The following TOGARAM1 variants were observed in gnomAD, a reference collection of about 807,000 sequenced individuals.
TOGARAM1 encodes TOG array regulator of axonemal microtubules 1, also known as TOG array regulator of axonemal microtubules protein 1.
TOGARAM1 carries 100 observed loss-of-function variants against 166.6 expected under a neutral mutation model. That is an observed-to-expected ratio of 0.60 (90% CI 0.51 to 0.71). TOGARAM1 has a LOEUF of 0.71. Among genes scored for constraint, TOGARAM1 ranks in the 30% least tolerant of loss-of-function variants. TOGARAM1 has a pLI of 0.00. For synonymous variants in TOGARAM1, 758 were observed against 763.8 expected, an observed-to-expected ratio of 0.99 and a Z score of 0.13; for missense variants, 2,029 against 2,102.7, an observed-to-expected ratio of 0.96 and a Z score of 0.69.
intron 6 of TOGARAM1, among the ~76,000 whole-genome samples, chr14:45,011,686 G>A (rs1206674756): frequency 1.3e-5 from 2 of 151,722 alleles, no homozygotes; most frequent in Non-Finnish European, 2.9e-5. Flanking sequence ...ATAAGTCAGA[G>A]TCATTTTCTG....
chr14:44,963,512 A>C lies in TOGARAM1; in HGVS notation c.1091A>C (p.Asp364Ala), dbSNP rs770738996. The part of the protein sequence containing the change: ...ELHSRLLDQE[D>A]YKNRTQAVEE... ...CATTCACGATTATTGGATCAGGAAG[A>C]CTATAAGAACCGGACCCAGGCCGTC... Residue 364 changes from aspartate to alanine, a missense_variant, in exon 1 of 20, where the codon GAC becomes GCC. Asp to Ala is a moderately radical substitution (Grantham distance 126, BLOSUM62 -2). Coordinates refer to ENST00000361462, the MANE Select transcript of TOGARAM1 (RefSeq NM_001308120.2). 5.0e-6 allele frequency: 8 copies of C among 1,614,222 alleles called. No homozygotes were observed. The highest frequency in any genetic ancestry group is 1.1e-5 in the South Asian group (1 of 91,084).
At chr14:44,986,975 A>C (rs1190115318) in intron 1 of TOGARAM1, among the ~76,000 whole-genome samples, 1 of 150,318 alleles carries the variant, frequency 6.7e-6, no homozygotes, top group Non-Finnish European at 1.5e-5. Context: ...ACTGCACTCC[A>C]GCCTGGGCGA....
chr14:44,968,844 T>C (rs765415315), intron 1 of TOGARAM1, among the ~76,000 whole-genome samples: 23 of 152,208 alleles, frequency 1.5e-4, no homozygotes, highest in Non-Finnish European at 2.8e-4. Context: ...ATGTCTTGTA[T>C]CCACCATTAT....
In TOGARAM1 at chr14:45,008,924, T is replaced by C. The variant is rs193074205; in HGVS notation, c.2916T>C (p.Ser972=). ...KDLDQEEMHS[S]LRSLRNSAAK... is the part of the protein sequence containing the mutation. ...TCATTTTTTCTTAGATGCATAGCTCTCTTAGGTCCCTTCGTAATAGTGCAG... is the reference window on the plus strand; with the variant it reads ...TCATTTTTTCTTAGATGCATAGCTCCCTTAGGTCCCTTCGTAATAGTGCAG... Residue 972 remains serine, a synonymous_variant, in exon 6 of 20, where the codon TCT becomes TCC. Coordinates refer to ENST00000361462, the MANE Select transcript of TOGARAM1 (RefSeq NM_001308120.2). 3.6e-5 allele frequency: 58 copies of C among 1,613,226 alleles called. No homozygotes were observed. The African/African-American group carries it at 5.6e-4, about 16-fold the overall frequency.
intron 10 of TOGARAM1, among the ~76,000 whole-genome samples, chr14:45,030,824 T>G (rs1387580592): frequency 1.3e-5 from 2 of 152,190 alleles, no homozygotes; most frequent in Non-Finnish European, 2.9e-5. Context: ...TAGATCTAAG[T>G]CCTGCCTCTC....
At chr14:45,009,796 A>G (rs1233373539) in intron 6 of TOGARAM1, among the ~76,000 whole-genome samples, 1 of 152,168 alleles carries the variant, frequency 6.6e-6, no homozygotes, top group Non-Finnish European at 1.5e-5. Flanking sequence ...AGTGATCTCA[A>G]ACTGCTTTCT....
chr14:45,066,435 C>CTGT, intron 16 of TOGARAM1, 143 bp from the exon 17 acceptor site: 3 of 599,314 alleles, frequency 5.0e-6, no homozygotes, highest in Non-Finnish European at 8.3e-6. Context: ...AGGAGAGATA[C>CTGT]TGTGGCTATG....
At chr14:44,974,508 T>C (rs2138735585) in intron 1 of TOGARAM1, among the ~76,000 whole-genome samples, 1 of 152,316 alleles carries the variant, frequency 6.6e-6, no homozygotes, top group East Asian at 1.9e-4. Flanking sequence ...CTAGTTATGA[T>C]GCTTGTTCTG....
chr14:45,006,051 C>G lies in TOGARAM1; in HGVS notation c.2688C>G (p.Ala896=), dbSNP rs775624427. 5.6e-6 allele frequency: 9 copies of G among 1,612,552 alleles called. No homozygotes were observed. Among genetic ancestry groups the G allele is most frequent in the Admixed American group, 1.7e-5 (1 of 59,902 alleles). Reference sequence around the variant, plus strand: ...AACCTCCAGTTCAGCTTACACCTGCCTTGGTGAGATCGCCATCTTCCCGAC... The same window carrying G: ...AACCTCCAGTTCAGCTTACACCTGCGTTGGTGAGATCGCCATCTTCCCGAC... ...QEKPPVQLTP[A]LVRSPSSRRG... is the part of the protein sequence containing the mutation. The change falls in exon 5 of 20, where the codon GCC becomes GCG. Residue 896 remains alanine (A), a synonymous_variant. Coordinates refer to ENST00000361462, the MANE Select transcript of TOGARAM1 (RefSeq NM_001308120.2).
chr14:45,052,129 T>C (rs1277727396), intron 14 of TOGARAM1, among the ~76,000 whole-genome samples: 1 of 152,200 alleles, frequency 6.6e-6, no homozygotes, highest in East Asian at 1.9e-4. Context: ...AAGAGTGTCA[T>C]ACTGCATATG....
intron 4 of TOGARAM1, 117 bp from the exon 5 acceptor site, chr14:45,005,891 A>T (rs1409392612): frequency 1.3e-6 from 1 of 768,022 alleles, no homozygotes; most frequent in Non-Finnish European, 1.9e-6. Flanking sequence ...CTCCCCAGTG[A>T]CCAGCTATAA....
intron 11 of TOGARAM1, among the ~76,000 whole-genome samples, chr14:45,035,683 A>G (rs1881388979): frequency 6.6e-6 from 1 of 152,198 alleles, no homozygotes; most frequent in African/African-American, 2.4e-5. Context: ...AAGACATTAC[A>G]TATAGAACAA....
In TOGARAM1 at chr14:45,054,481, T is replaced by G. The variant is rs1489930699; in HGVS notation, c.4491T>G (p.Ser1497=). 4 of 1,613,534 alleles carry G rather than the reference T, an allele frequency of 2.5e-6. No homozygotes were observed. Among genetic ancestry groups the G allele is most frequent in the Non-Finnish European group, 3.4e-6 (4 of 1,179,784 alleles). The change falls in exon 16 of 20, where the codon TCT becomes TCG. Residue 1497 remains serine (S), a synonymous_variant. Transcript: ENST00000361462. ...LDTPSAKGRR[S]HTGSVGNTRS... The stretch of plus-strand genomic sequence containing the variant: ...CTCCTTCAGCAAAAGGAAGACGATC[T>G]CATACTGGCAGTGTTGGAAATACAA...
chr14:45,016,825 A>G (rs1012142826), intron 7 of TOGARAM1, among the ~76,000 whole-genome samples: 1 of 152,266 alleles, frequency 6.6e-6, no homozygotes, highest in Non-Finnish European at 1.5e-5. Context: ...TTCAAAAAGT[A>G]CTATAATGTT....
At chr14:45,045,565 ATATATATATATATATATATGTGTG>A (rs1174366222) in intron 13 of TOGARAM1, among the ~76,000 whole-genome samples, 8 of 41,262 alleles carry the variant, frequency 1.9e-4, no homozygotes, top group South Asian at 9.3e-4. Context: ...ATATATATAT[ATATATATATATATATATATGTGTG>A]TGTGTGTGTG....
In TOGARAM1 at chr14:45,009,055, C is replaced by T. The variant is rs1879634852; in HGVS notation, c.3047C>T (p.Pro1016Leu). 6.2e-7 allele frequency: 1 copy of T among 1,614,078 alleles called. No homozygotes were observed. Among genetic ancestry groups the T allele is most frequent in the Non-Finnish European group, 8.5e-7 (1 of 1,179,984 alleles). Residue 1016 changes from proline to leucine, a missense_variant, in exon 6 of 20, where the codon CCA becomes CTA. Physicochemically the swap from Pro to Leu is moderately conservative, Grantham distance 98. Transcript: ENST00000361462. ...TMDSPSLSSS[P>L]NINSYSESGV... ...GACTCCCCGTCTCTGTCTTCCTCAC[C>T]AAACATCAATTCTTACAGTGAAAGT...
At chr14:45,032,135 G>C (rs1594674417) in intron 10 of TOGARAM1, 88 bp from the exon 11 acceptor site, 2 of 1,194,598 alleles carry the variant, frequency 1.7e-6, no homozygotes, top group East Asian at 5.1e-5. Context: ...ACCCTAGCCT[G>C]GGCAACACAG....
chr14:45,050,908 C>T (rs940952757), intron 14 of TOGARAM1, among the ~76,000 whole-genome samples: 4 of 152,202 alleles, frequency 2.6e-5, no homozygotes, highest in Admixed American at 6.5e-5. Context: ...AGCCACCACG[C>T]CCAGCCTCTT....
At chr14:44,968,352 C>T (rs1162525351) in intron 1 of TOGARAM1, among the ~76,000 whole-genome samples, 1 of 152,186 alleles carries the variant, frequency 6.6e-6, no homozygotes, top group African/African-American at 2.4e-5. Flanking sequence ...CTCCGCCTCC[C>T]GGGTTCACGC....
Sources: gnomAD v4.1 joint callset for allele counts (sites outside exome capture counted in the v4.1 genomes callset) on GRCh38, gnomAD v4.1.1 for gene constraint, MANE v1.5 for transcripts, NCBI Gene and HGNC (gene_info 2026-07-23, HGNC 2026-07-21) for gene names.